The following SPAG9 variants were observed in gnomAD, a reference collection of about 807,000 sequenced individuals.
SPAG9 encodes the protein sperm associated antigen 9.
A neutral mutation model predicts 166.5 loss-of-function variants in SPAG9; 35 were observed. The ratio of observed to expected loss-of-function variants is 0.21; its 90% CI spans 0.16 to 0.28. SPAG9 has a LOEUF of 0.28. Ranked by LOEUF, SPAG9 falls within the 10% of genes least tolerant of loss-of-function variation. SPAG9 has a pLI of 1.00. For missense variants in SPAG9, 1,235 were observed against 1,603.3 expected (o/e 0.77, Z 3.92); for synonymous variants, 534 against 565.5 (o/e 0.94, Z 0.79).
chr17:51,017,519 T>TGAGAGAGAGAGA (rs60839678), intron 8 of SPAG9, among the ~76,000 whole-genome samples: 3 of 147,466 alleles, frequency 2.0e-5, no homozygotes, highest in Non-Finnish European at 3.0e-5. Flanking sequence ...AGAACCTGTC[T>TGAGAGAGAGAGA]GAGAGAGAGA....
chr17:51,084,171 A>G (rs1188106333), intron 1 of SPAG9: 1 of 152,112 alleles, frequency 6.6e-6, no homozygotes, highest in Non-Finnish European at 1.5e-5. Flanking sequence ...CTGCCTTCCA[A>G]GTGTTCATTG....
intron 3 of SPAG9, among the ~76,000 whole-genome samples, chr17:51,053,853 A>ATATATATATATAT (rs2047260847): frequency 3.6e-5 from 2 of 56,186 alleles, no homozygotes; most frequent in East Asian, 4.8e-4. Context: ...AAAAAAAAAA[A>ATATATATATATAT]AGTATATATA....
At position 51,024,360 on chromosome 17, in the gene SPAG9, T is replaced by C. The variant is rs115498649; in HGVS notation, c.784-2995A>G. On this transcript the variant is annotated intron_variant, in intron 6 of 29. Transcript: ENST00000262013. ...ACTATTAATTACAGTATATTGTACA[T>C]ATTAATTATAATATATTGTACAATA... Among the ~76,000 whole-genome samples the C allele has an allele frequency of 3.5e-3, 532 of 152,318 alleles. 2 individuals carry two copies. The highest frequency in any genetic ancestry group is 0.012 in the African/African-American group (511 of 41,570).
chr17:50,979,982 C>A, intron 25 of SPAG9, 65 bp from the exon 26 acceptor site: 2 of 1,484,250 alleles, frequency 1.3e-6, no homozygotes, highest in Admixed American at 1.7e-5. Context: ...TAAAACTGTG[C>A]TAATTTGCAC....
chr17:51,117,367 A>G (rs2049319528), intron 1 of SPAG9, among the ~76,000 whole-genome samples: 1 of 152,120 alleles, frequency 6.6e-6, no homozygotes, highest in Non-Finnish European at 1.5e-5. Flanking sequence ...CTTTTGCTGT[A>G]AATACCCTGA....
intron 1 of SPAG9, among the ~76,000 whole-genome samples, chr17:51,100,031 C>T (rs371977890): frequency 1.1e-4 from 16 of 152,024 alleles, no homozygotes; most frequent in African/African-American, 3.6e-4. Flanking sequence ...ACCTGGGAGG[C>T]GGGAGTTGCA....
At chr17:50,975,644 T>TCA (rs987936027) in intron 27 of SPAG9, among the ~76,000 whole-genome samples, 1 of 152,042 alleles carries the variant, frequency 6.6e-6, no homozygotes, top group African/African-American at 2.4e-5. Context: ...GAAAGAAAGT[T>TCA]CAGCTGCAAC....
At chr17:51,054,814 C>T (rs1476884802) in intron 3 of SPAG9, among the ~76,000 whole-genome samples, 1 of 152,040 alleles carries the variant, frequency 6.6e-6, no homozygotes, top group East Asian at 1.9e-4. Flanking sequence ...GGTTCAAGCC[C>T]TTCATGGACC....
intron 6 of SPAG9, among the ~76,000 whole-genome samples, chr17:51,028,904 A>G (rs938243248): frequency 6.6e-6 from 1 of 152,172 alleles, no homozygotes; most frequent in South Asian, 2.1e-4. Context: ...AATACTCTTG[A>G]CTGCAAATGA....
At chr17:50,966,819 A>G (rs1290179890) in intron 29 of SPAG9, among the ~76,000 whole-genome samples, 2 of 152,214 alleles carry the variant, frequency 1.3e-5, no homozygotes, top group Admixed American at 1.3e-4. Context: ...AAACCCAAAT[A>G]ACTCACAATT....
intron 18 of SPAG9, 110 bp downstream of exon 18, chr17:50,994,947 G>T: frequency 1.4e-6 from 1 of 725,828 alleles, no homozygotes; most frequent in Non-Finnish European, 2.3e-6. Flanking sequence ...GGGACAGTAA[G>T]CCAGGGCATA....
At chr17:51,044,192 A>G (rs1026114859) in intron 4 of SPAG9, among the ~76,000 whole-genome samples, 9 of 152,330 alleles carry the variant, frequency 5.9e-5, no homozygotes, top group African/African-American at 1.9e-4. Context: ...AAGGACGCAT[A>G]ATTAGGCAAG....
At chr17:51,041,959 T>G (rs2046855261) in intron 4 of SPAG9, among the ~76,000 whole-genome samples, 1 of 152,158 alleles carries the variant, frequency 6.6e-6, no homozygotes, top group Non-Finnish European at 1.5e-5. Flanking sequence ...GGAGAAGAGC[T>G]GCTGCTGGGT....
intron 5 of SPAG9, 34 bp from the exon 6 acceptor site, chr17:51,031,756 A>T (rs1293033812): frequency 2.0e-6 from 3 of 1,510,630 alleles, no homozygotes; most frequent in African/African-American, 2.8e-5. Context: ...AGAGAAAAAA[A>T]TTATGTGTTT....
Position 50,987,185 on chromosome 17 carries a change from C to A in SPAG9, c.2866G>T (p.Asp956Tyr). The change falls in exon 22 of 30, where the codon GAC becomes TAC. Residue 956 changes from aspartate (D) to tyrosine (Y), a missense_variant. Coordinates refer to ENST00000262013, the MANE Select transcript of SPAG9 (RefSeq NM_001130528.3). ...TTCTGGGCTTCTTCTCTCACCAAGT[C>A]TTGTTCATTTGGCAGTACTGATATT... ...DQISVLPNEQ[D>Y]LVREEAQKMS... The A allele has an allele frequency of 1.2e-6, 2 of 1,613,420 alleles. No homozygotes were observed. The highest frequency in any genetic ancestry group is 1.7e-6 in the Non-Finnish European group (2 of 1,179,710).
intron 6 of SPAG9, among the ~76,000 whole-genome samples, chr17:51,030,758 T>C (rs1267481419): frequency 1.3e-5 from 2 of 152,138 alleles, no homozygotes; most frequent in African/African-American, 4.8e-5. Context: ...ATGTCCTAAC[T>C]CTGAGTATAT....
chr17:51,099,943 TAAA>T (rs1207905572), intron 1 of SPAG9, among the ~76,000 whole-genome samples: 1 of 151,016 alleles, frequency 6.6e-6, no homozygotes, highest in Admixed American at 6.6e-5. Flanking sequence ...CTACCAAAAA[TAAA>T]AAAATTAGCC....
At chr17:51,039,235 G>A (rs1442590502) in intron 5 of SPAG9, among the ~76,000 whole-genome samples, 1 of 152,060 alleles carries the variant, frequency 6.6e-6, no homozygotes, top group South Asian at 2.1e-4. Flanking sequence ...TCAATCTCAG[G>A]GGAAATGATA....
intron 1 of SPAG9, among the ~76,000 whole-genome samples, chr17:51,114,054 G>A (rs1012138564): frequency 4.0e-5 from 6 of 150,544 alleles, no homozygotes; most frequent in South Asian, 2.1e-4. Context: ...GGCCAGGTGC[G>A]GTGGCTCACG....
Sources: gnomAD v4.1 joint callset for allele counts (sites outside exome capture counted in the v4.1 genomes callset) on GRCh38, gnomAD v4.1.1 for gene constraint, MANE v1.5 for transcripts, NCBI Gene and HGNC (gene_info 2026-07-23, HGNC 2026-07-21) for gene names.